The following NAALADL2 variants were observed in gnomAD, a reference collection of about 807,000 sequenced individuals.
NAALADL2 encodes the protein inactive N-acetylated-alpha-linked acidic dipeptidase-like protein 2.
In NAALADL2, 76 loss-of-function variants were observed where a neutral mutation model predicts 87.2. The ratio of observed to expected loss-of-function variants is 0.87; its 90% CI spans 0.72 to 1.05. The LOEUF (loss-of-function observed/expected upper bound fraction) is 1.05. Among genes scored for constraint, NAALADL2 ranks in the 50% least tolerant of loss-of-function variants. The pLI is 0.00. For synonymous variants in NAALADL2, 354 were observed against 331.0 expected (o/e 1.07, Z -0.75); for missense variants, 1,089 against 945.8 (o/e 1.15, Z -1.99).
At chr3:175,108,609 TA>T (rs1580490255) in intron 2 of NAALADL2, among the ~76,000 whole-genome samples, 2 of 151,958 alleles carry the variant, frequency 1.3e-5, no homozygotes, top group Non-Finnish European at 2.9e-5. Context: ...GAAAAACTTG[TA>T]AGATCAGCTT....
chr3:175,116,586 A>G (rs900688514), intron 2 of NAALADL2, among the ~76,000 whole-genome samples: 4 of 152,144 alleles, frequency 2.6e-5, no homozygotes, highest in Admixed American at 1.3e-4. Context: ...ATAAAAGAGG[A>G]CACAAACAAA....
At chr3:174,720,927 C>T (rs186707403) in intron 2 of NAALADL2, among the ~76,000 whole-genome samples, 4 of 152,112 alleles carry the variant, frequency 2.6e-5, no homozygotes, top group Admixed American at 1.3e-4. Context: ...TGTGTGTTTC[C>T]GGTGCTTGAC....
intron 1 of NAALADL2, among the ~76,000 whole-genome samples, chr3:174,444,493 C>T (rs1714896222): frequency 1.3e-5 from 2 of 152,032 alleles, no homozygotes; most frequent in African/African-American, 4.8e-5. Flanking sequence ...GGGATTTCTG[C>T]CTTGAGCTTT....
intron 1 of NAALADL2, among the ~76,000 whole-genome samples, chr3:175,013,145 A>ATATATATTTATATATAAATATGTAT (rs1750231884): frequency 1.2e-5 from 1 of 80,254 alleles, no homozygotes; most frequent in African/African-American, 5.0e-5. Context: ...TAAATATGTA[A>ATATATATTTATATATAAATATGTAT]TACATATTTA....
intron 6 of NAALADL2, among the ~76,000 whole-genome samples, chr3:175,451,043 C>T (rs749723718): frequency 1.8e-4 from 28 of 151,534 alleles, no homozygotes; most frequent in Middle Eastern, 3.4e-3. Flanking sequence ...TGGGGAAAGA[C>T]GGAGAAAGAG....
chr3:174,504,880 T>C (rs1208392965), intron 1 of NAALADL2, among the ~76,000 whole-genome samples: 1 of 152,126 alleles, frequency 6.6e-6, no homozygotes, highest in African/African-American at 2.4e-5. Flanking sequence ...TATAGAGAAG[T>C]GTTTTCTGTT....
At chr3:175,445,428 C>T (rs1394374355) in intron 5 of NAALADL2, among the ~76,000 whole-genome samples, 1 of 152,056 alleles carries the variant, frequency 6.6e-6, no homozygotes, top group Non-Finnish European at 1.5e-5. Context: ...TTTAACTCCC[C>T]AGGGCAAATA....
intron 11 of NAALADL2, among the ~76,000 whole-genome samples, chr3:175,681,090 C>T (rs1002174678): frequency 1.3e-5 from 2 of 151,980 alleles, no homozygotes; most frequent in Non-Finnish European, 2.9e-5. Flanking sequence ...TTCAGCCTGG[C>T]GACAGAGCGA....
chr3:174,508,115 T>TTTTTTTTTTTTTGTG, intron 1 of NAALADL2, among the ~76,000 whole-genome samples: 1 of 73,034 alleles, frequency 1.4e-5, no homozygotes, highest in African/African-American at 5.3e-5. Flanking sequence ...TATCTAGTGG[T>TTTTTTTTTTTTTGTG]TTTTTTTTTT....
intron 3 of NAALADL2, among the ~76,000 whole-genome samples, chr3:174,802,248 A>T (rs1282275145): frequency 2.0e-5 from 3 of 152,174 alleles, no homozygotes; most frequent in African/African-American, 7.2e-5. Context: ...TTCTGATTTC[A>T]TGAAGTTTAC....
intron 13 of NAALADL2, chr3:175,773,673 G>A (rs1349899234): frequency 6.6e-6 from 1 of 152,066 alleles, no homozygotes; most frequent in Non-Finnish European, 1.5e-5. Flanking sequence ...ATCTTAAAGT[G>A]ATAATCAGAA....
chr3:175,761,131 A>C (rs1392326574), intron 13 of NAALADL2, among the ~76,000 whole-genome samples: 1 of 152,198 alleles, frequency 6.6e-6, no homozygotes, highest in Admixed American at 6.5e-5. Flanking sequence ...GGCTTTGACA[A>C]ATGTATAATA....
rs1378866887 is a variant in NAALADL2 at position 175,807,783 on chromosome 3, C to G, written c.*4580C>G. ...TATTTCTTGTATGAGTTTAAATTGC[C>G]AACTTAAAAAAGCCTCATTAGAATT... On this transcript the variant is annotated 3_prime_UTR_variant, in exon 14 of 14. Transcript: ENST00000454872. 1.3e-5 allele frequency: 2 copies of G among 151,782 alleles called. No homozygotes were observed. The highest frequency in any genetic ancestry group is 4.8e-5 in the African/African-American group (2 of 41,354). The allele number at this position is 151,782 out of a possible 1,614,324, so 9.4% of individuals were successfully genotyped here. A position where few individuals can be genotyped will look rare whatever the true frequency, so the allele number is the denominator to read the frequency against.
intron 9 of NAALADL2, among the ~76,000 whole-genome samples, chr3:175,498,783 A>C (rs1018100412): frequency 1.3e-5 from 2 of 152,078 alleles, no homozygotes; most frequent in African/African-American, 2.4e-5. Flanking sequence ...CACATGTTGA[A>C]GTCCTAACCC....
At chr3:174,745,121 GAC>G (rs1734123684) in intron 3 of NAALADL2, among the ~76,000 whole-genome samples, 1 of 151,674 alleles carries the variant, frequency 6.6e-6, no homozygotes, top group Non-Finnish European at 1.5e-5. Context: ...AGGAGATAGA[GAC>G]ACAAAAAACC....
At chr3:175,776,824 ATTCT>A (rs1247072199) in intron 13 of NAALADL2, among the ~76,000 whole-genome samples, 1 of 152,088 alleles carries the variant, frequency 6.6e-6, no homozygotes, top group Non-Finnish European at 1.5e-5. Flanking sequence ...TGAAGGTTAT[ATTCT>A]TTATTTTTAT....
intron 2 of NAALADL2, among the ~76,000 whole-genome samples, chr3:174,575,806 A>G (rs1578208302): frequency 6.6e-6 from 1 of 152,152 alleles, no homozygotes; most frequent in South Asian, 2.1e-4. Context: ...ATCCATATTT[A>G]TTAGATGCCT....
chr3:174,679,566 G>T (rs574089681), intron 2 of NAALADL2, among the ~76,000 whole-genome samples: 1 of 152,164 alleles, frequency 6.6e-6, no homozygotes, highest in African/African-American at 2.4e-5. Flanking sequence ...GATCTTTGGG[G>T]TGTTCCTATA....
At chr3:175,385,973 G>A (rs1171699752) in intron 5 of NAALADL2, among the ~76,000 whole-genome samples, 4 of 151,940 alleles carry the variant, frequency 2.6e-5, no homozygotes, top group Non-Finnish European at 5.9e-5. Context: ...AAAGACCAAT[G>A]GCCCCTCAGA....
Sources: gnomAD v4.1 joint callset for allele counts (sites outside exome capture counted in the v4.1 genomes callset) on GRCh38, gnomAD v4.1.1 for gene constraint, MANE v1.5 for transcripts, NCBI Gene and HGNC (gene_info 2026-07-23, HGNC 2026-07-21) for gene names.